Variants in N4BP1 observed in about 807,000 individuals in gnomAD.
The protein encoded by N4BP1 is NEDD4-binding protein 1.
In N4BP1, 21 loss-of-function variants were observed where a neutral mutation model predicts 70.9. That is an observed-to-expected ratio of 0.30 (90% CI 0.21 to 0.43). The LOEUF (loss-of-function observed/expected upper bound fraction) is 0.43. N4BP1 is among the 20% of genes least tolerant of loss of function. N4BP1 has a pLI of 1.00. For synonymous variants in N4BP1, 387 were observed against 394.6 expected (o/e 0.98, Z 0.23); for missense variants, 936 against 1,069.4 (o/e 0.88, Z 1.74).
chr16:48,582,635 T>C (rs1964189144), intron 1 of N4BP1, among the ~76,000 whole-genome samples: 1 of 152,220 alleles, frequency 6.6e-6, no homozygotes, highest in African/African-American at 2.4e-5. Flanking sequence ...GTAATTGTCG[T>C]TAATCCTTTA....
At chr16:48,556,115 T>C (rs1253033775) in intron 2 of N4BP1, among the ~76,000 whole-genome samples, 1 of 152,080 alleles carries the variant, frequency 6.6e-6, no homozygotes. Context: ...AAACATCAGC[T>C]CTCAACTAAA....
At chr16:48,560,084 G>A (rs142350131) in intron 2 of N4BP1, among the ~76,000 whole-genome samples, 73 of 144,704 alleles carry the variant, frequency 5.0e-4, no homozygotes, top group Non-Finnish European at 7.9e-4. Flanking sequence ...CCTTAGCCAC[G>A]ATCTTAAACT....
chr16:48,575,849 G>C (rs1964085051), intron 1 of N4BP1, among the ~76,000 whole-genome samples: 1 of 152,156 alleles, frequency 6.6e-6, no homozygotes, highest in Admixed American at 6.5e-5. Flanking sequence ...CATGGGGGTA[G>C]GTATGACATA....
At chr16:48,606,583 C>A (rs1964585317) in intron 1 of N4BP1, among the ~76,000 whole-genome samples, 1 of 152,216 alleles carries the variant, frequency 6.6e-6, no homozygotes, top group Non-Finnish European at 1.5e-5. Flanking sequence ...GACAAATCTT[C>A]CCTTTAACAA....
rs1001071093 is a variant in N4BP1 at position 48,539,195 on chromosome 16, CAGG to C, written c.*3706_*3708del. The C allele has an allele frequency of 2.0e-5, 3 of 152,302 alleles. No homozygotes were observed. Among genetic ancestry groups the C allele is most frequent in the African/African-American group, 7.2e-5 (3 of 41,440 alleles). The allele number at this position is 152,302 out of a possible 1,614,324, so 9.4% of individuals were successfully genotyped here. A position where few individuals can be genotyped will look rare whatever the true frequency, so the allele number is the denominator to read the frequency against. ...CAAACAGCCACTGCAGATCACTTCG[CAGG>C]AGGAGGGGTGACTAGAAGTATGTTA... On this transcript the variant is annotated 3_prime_UTR_variant, in exon 7 of 7. Coordinates refer to ENST00000262384, the MANE Select transcript of N4BP1 (RefSeq NM_153029.4).
At chr16:48,599,839 C>T (rs557531172) in intron 1 of N4BP1, among the ~76,000 whole-genome samples, 1 of 152,306 alleles carries the variant, frequency 6.6e-6, no homozygotes, top group African/African-American at 2.4e-5. Flanking sequence ...TTCTTAAAGG[C>T]CTGATGGCTG....
intron 1 of N4BP1, among the ~76,000 whole-genome samples, chr16:48,565,476 T>G (rs1326202788): frequency 6.6e-6 from 1 of 152,234 alleles, no homozygotes; most frequent in African/African-American, 2.4e-5. Flanking sequence ...GAACCAGCCT[T>G]GCATCCCTGG....
chr16:48,553,060 T>G (rs1455725874), intron 3 of N4BP1, among the ~76,000 whole-genome samples: 2 of 152,242 alleles, frequency 1.3e-5, no homozygotes, highest in Non-Finnish European at 1.5e-5. Flanking sequence ...GAAGTTTCTC[T>G]AGAACATTTC....
chr16:48,545,609 C>A (rs1296410701), intron 6 of N4BP1, among the ~76,000 whole-genome samples: 1 of 151,670 alleles, frequency 6.6e-6, no homozygotes, highest in Non-Finnish European at 1.5e-5. Flanking sequence ...AATAAACCCA[C>A]AAAAAAAGTT....
At chr16:48,582,085 C>G (rs1688490625) in intron 1 of N4BP1, among the ~76,000 whole-genome samples, 1 of 151,954 alleles carries the variant, frequency 6.6e-6, no homozygotes, top group Non-Finnish European at 1.5e-5. Context: ...AAAAGGAACT[C>G]AAAACAACAA....
intron 1 of N4BP1, among the ~76,000 whole-genome samples, chr16:48,595,708 C>A (rs1054300194): frequency 6.6e-6 from 1 of 152,170 alleles, no homozygotes; most frequent in Non-Finnish European, 1.5e-5. Context: ...AAGGCTTTGA[C>A]TGGAATGGCG....
chr16:48,555,473 C>CTTT (rs751509836), intron 2 of N4BP1, among the ~76,000 whole-genome samples: 2 of 152,214 alleles, frequency 1.3e-5, no homozygotes, highest in Non-Finnish European at 2.9e-5. Flanking sequence ...ACAGACTCCT[C>CTTT]TTTTTAAAGG....
intron 1 of N4BP1, among the ~76,000 whole-genome samples, chr16:48,598,354 T>C (rs1964449840): frequency 6.6e-6 from 1 of 152,006 alleles, no homozygotes; most frequent in African/African-American, 2.4e-5. Flanking sequence ...ATTAACAAAA[T>C]AATGGCAAAA....
chr16:48,552,255 T>G (rs182783360), intron 3 of N4BP1, among the ~76,000 whole-genome samples: 4 of 152,150 alleles, frequency 2.6e-5, no homozygotes, highest in Admixed American at 2.6e-4. Context: ...GGGTGGGTGA[T>G]GACAGTGGAG....
chr16:48,566,829 T>A (rs950715377), intron 1 of N4BP1, among the ~76,000 whole-genome samples: 6 of 152,342 alleles, frequency 3.9e-5, no homozygotes, highest in South Asian at 4.1e-4. Context: ...TAACTGTGGA[T>A]TTATCAAGTT....
intron 5 of N4BP1, among the ~76,000 whole-genome samples, chr16:48,547,346 A>G (rs1056469786): frequency 6.6e-6 from 1 of 152,244 alleles, no homozygotes; most frequent in Admixed American, 6.5e-5. Context: ...CTGGTTAACC[A>G]AAAGTCCTAG....
At chr16:48,604,686 T>C (rs2151103763) in intron 1 of N4BP1, among the ~76,000 whole-genome samples, 1 of 151,968 alleles carries the variant, frequency 6.6e-6, no homozygotes, top group South Asian at 2.1e-4. Flanking sequence ...TTAGCACATA[T>C]AACTGTTTTT....
rs750686189 is a variant in N4BP1 at position 48,561,911 on chromosome 16, A to C, written c.732T>G (p.Val244=). The change falls in exon 2 of 7, where the codon GTT becomes GTG. Residue 244 remains valine (V), a synonymous_variant. Coordinates refer to ENST00000262384, the MANE Select transcript of N4BP1 (RefSeq NM_153029.4). ...TGTCCATTTGTTTTGTAAGCTCAGA[A>C]ACAGGAGTCCCAGCTTTATTTCTTG... ...EEARNKAGTP[V]SELTKQMDTV... 5 of 1,613,954 alleles carry C rather than the reference A, an allele frequency of 3.1e-6. No individual in the cohort carries two copies. The South Asian group carries it at 5.5e-5, about 18-fold the overall frequency.
intron 6 of N4BP1, among the ~76,000 whole-genome samples, chr16:48,544,702 A>G (rs2151084361): frequency 6.6e-6 from 1 of 152,378 alleles, no homozygotes; most frequent in Middle Eastern, 3.4e-3. Context: ...TCAGATAAAT[A>G]TTGAATACTG....
Sources: allele counts gnomAD v4.1 joint callset (sites outside exome capture counted in the v4.1 genomes callset), GRCh38; gene constraint gnomAD v4.1.1; transcripts MANE v1.5; gene names NCBI Gene and HGNC (gene_info 2026-07-23, HGNC 2026-07-21).